Variants in NLRP5 observed in about 807,000 individuals in gnomAD.
NLRP5 encodes NLR family pyrin domain containing 5.
In NLRP5, 93 loss-of-function variants were observed where a neutral mutation model predicts 113.1. That is an observed-to-expected ratio of 0.82 (90% CI 0.70 to 0.98). The LOEUF (loss-of-function observed/expected upper bound fraction) is 0.98. Among genes scored for constraint, NLRP5 ranks in the 50% least tolerant of loss-of-function variants. NLRP5 has a pLI of 0.00. For synonymous variants in NLRP5, 751 were observed against 600.7 expected, an observed-to-expected ratio of 1.25 and a Z score of -3.66; for missense variants, 1,808 against 1,514.3, an observed-to-expected ratio of 1.19 and a Z score of -3.22.
chr19:56,047,033 T>G (rs569611028), intron 11 of NLRP5, among the ~76,000 whole-genome samples: 23 of 144,522 alleles, frequency 1.6e-4, no homozygotes, highest in African/African-American at 5.7e-4. Context: ...TTTATGTGCA[T>G]AAAGGTGTTC....
chr19:55,993,956 C>T, the NLRP5 span, among the ~76,000 whole-genome samples: 1 of 151,926 alleles, frequency 6.6e-6, no homozygotes, highest in Non-Finnish European at 1.5e-5. Context: ...CATGAGAGTG[C>T]AGACATACCT....
In NLRP5 at chr19:56,004,098, A is replaced by T; in HGVS notation, c.442+3A>T. The T allele has an allele frequency of 1.9e-6, 3 of 1,597,596 alleles. No individual in the cohort carries two copies. The highest frequency in any genetic ancestry group is 2.6e-6 in the Non-Finnish European group (3 of 1,170,750). On this transcript the variant is annotated splice_donor_region_variant and intron_variant, in intron 2 of 14. Coordinates refer to ENST00000390649, the MANE Select transcript of NLRP5 (RefSeq NM_153447.4). ...GAAGGCACGGGATGACATGAAAAGT[A>T]AGCGAGACTTGGGACAAGTCTAGGG...
At chr19:56,006,770 G>C (rs960359810) in intron 2 of NLRP5, among the ~76,000 whole-genome samples, 10 of 151,302 alleles carry the variant, frequency 6.6e-5, no homozygotes, top group Admixed American at 3.9e-4. Context: ...GACGGAGTCT[G>C]GCTCTGTCGC....
At chr19:56,006,975 G>GCAAA (rs1301635912) in intron 2 of NLRP5, among the ~76,000 whole-genome samples, 3 of 151,084 alleles carry the variant, frequency 2.0e-5, no homozygotes, top group Non-Finnish European at 2.9e-5. Context: ...TCCCGACCTT[G>GCAAA]TGATCCACCC....
At chr19:56,035,661 C>T (rs1288153149) in intron 9 of NLRP5, among the ~76,000 whole-genome samples, 3 of 152,092 alleles carry the variant, frequency 2.0e-5, no homozygotes, top group African/African-American at 4.8e-5. Context: ...ATGAATTTAC[C>T]TTCTCATAAC....
rs1373367892 is a variant in NLRP5, at chr19:56,058,270, C to T, written c.3330C>T (p.Cys1110=). 1 of 1,613,864 alleles carries T rather than the reference C, an allele frequency of 6.2e-7. No homozygotes were observed. Residue 1110 remains cysteine (C), a synonymous_variant, in exon 14 of 15, where the codon TGC becomes TGT. Transcript: ENST00000390649. ...AGGCATGTGGACTGACTTCTGATTG[C>T]TGTGAGGCACTCTCCTTGGCCCTTT...
At position 56,016,582 on chromosome 19, in the gene NLRP5, C is replaced by A. The variant is rs755876008; in HGVS notation, c.565+784C>A. Among the ~76,000 whole-genome samples, 342 of 152,180 alleles carry A rather than the reference C, an allele frequency of 2.2e-3. 2 individuals carry two copies. Among genetic ancestry groups the A allele is most frequent in the Non-Finnish European group, 3.0e-3 (203 of 68,044 alleles). Reference sequence around the variant, plus strand: ...CTAGCTGTAAGTTTGTACCTGTTGACTAATGTTTTCCAACTTTCCCGGTCC... The same window carrying A: ...CTAGCTGTAAGTTTGTACCTGTTGAATAATGTTTTCCAACTTTCCCGGTCC... On this transcript the variant is annotated intron_variant, in intron 4 of 14. Transcript: ENST00000390649.
At chr19:56,019,664 CTTTG>C (rs771894158) in intron 5 of NLRP5, among the ~76,000 whole-genome samples, 37 of 152,090 alleles carry the variant, frequency 2.4e-4, no homozygotes, top group African/African-American at 5.8e-4. Flanking sequence ...TCAATCACAA[CTTTG>C]TTTGATGGAT....
chr19:55,997,269 G>A (rs1370629470), upstream of NLRP5, among the ~76,000 whole-genome samples: 1 of 152,026 alleles, frequency 6.6e-6, no homozygotes, highest in African/African-American at 2.4e-5. Context: ...CCTTCAGTCT[G>A]CTGATGAACC....
intron 14 of NLRP5, among the ~76,000 whole-genome samples, chr19:56,061,154 A>G (rs1984338092): frequency 6.6e-6 from 1 of 152,124 alleles, no homozygotes; most frequent in Admixed American, 6.5e-5. Flanking sequence ...TTTCTAACCG[A>G]TTTCAGCCAG....
Position 56,027,215 on chromosome 19 carries a change from AAGG to A in NLRP5, c.985_987del (p.Glu329del), listed in dbSNP as rs1568490986. 6.2e-7 allele frequency: 1 copy of A among 1,612,282 alleles called. No individual in the cohort carries two copies. The highest frequency in any genetic ancestry group is 8.5e-7 in the Non-Finnish European group (1 of 1,179,338). On this transcript the variant is annotated inframe_deletion, in exon 7 of 15. Coordinates refer to ENST00000390649, the MANE Select transcript of NLRP5 (RefSeq NM_153447.4). ...CCCCGTTAGAGAGATGCAGCGGAAGAAGGAGAGCAGTGTCACAGAGTTCATCTC... is the reference window on the plus strand; with the variant it reads ...CCCCGTTAGAGAGATGCAGCGGAAGAAGAGCAGTGTCACAGAGTTCATCTC...
chr19:56,048,500 A>G lies in NLRP5; in HGVS notation c.2958-1918A>G, dbSNP rs911489337. On this transcript the variant is annotated intron_variant, in intron 11 of 14. Coordinates refer to ENST00000390649, the MANE Select transcript of NLRP5 (RefSeq NM_153447.4). ...TAAAATGCTTAGTTTTGCTGGATAC[A>G]AAATTCTTGGCTGATACTTGTTTTG... Among the ~76,000 whole-genome samples the G allele has an allele frequency of 7.4e-5, 11 of 148,786 alleles. No homozygotes were observed. The Admixed American group carries it at 7.5e-4, about 10-fold the overall frequency.
intron 11 of NLRP5, among the ~76,000 whole-genome samples, chr19:56,043,239 C>G (rs757487187): frequency 5.3e-5 from 8 of 152,206 alleles, no homozygotes; most frequent in Non-Finnish European, 1.2e-4. Context: ...TGGATGCGTT[C>G]CCTGATCACC....
At position 56,027,188 on chromosome 19, in the gene NLRP5, C is replaced by T. The variant is rs778616374; in HGVS notation, c.955C>T (p.Leu319Phe). ...GGGAATGTTCTCCTACGTCTTCTTC[C>T]TCCCCGTTAGAGAGATGCAGCGGAA... is the stretch of plus-strand genomic sequence containing the variant. The change falls in exon 7 of 15, where the codon CTC becomes TTC. Residue 319 changes from leucine (L) to phenylalanine (F), a missense_variant. Coordinates refer to ENST00000390649, the MANE Select transcript of NLRP5 (RefSeq NM_153447.4). 228 of 1,609,328 alleles carry T rather than the reference C, an allele frequency of 1.4e-4. No homozygotes were observed. Among genetic ancestry groups the T allele is most frequent in the Middle Eastern group, 3.3e-4 (2 of 6,080 alleles).
chr19:56,047,520 C>T (rs1013919312), intron 11 of NLRP5, among the ~76,000 whole-genome samples: 2 of 152,066 alleles, frequency 1.3e-5, no homozygotes, highest in East Asian at 3.9e-4. Flanking sequence ...TTAATTTCCA[C>T]GTGTTTGCAT....
chr19:56,007,312 TGAGA>T (rs1268685480), intron 2 of NLRP5, among the ~76,000 whole-genome samples: 3 of 149,742 alleles, frequency 2.0e-5, no homozygotes, highest in Non-Finnish European at 4.4e-5. Flanking sequence ...TGCAGTGAGC[TGAGA>T]TTGTGCCGTT....
At chr19:55,991,109 ATTTG>A in the NLRP5 span, among the ~76,000 whole-genome samples, 136 of 152,102 alleles carry the variant, frequency 8.9e-4, 5 homozygotes, top group Non-Finnish European at 3.2e-4. Flanking sequence ...GACTTTAAAG[ATTTG>A]TTTGTTTTTC....
intron 11 of NLRP5, among the ~76,000 whole-genome samples, chr19:56,046,753 C>G (rs1004514497): frequency 6.6e-6 from 1 of 152,082 alleles, no homozygotes; most frequent in East Asian, 1.9e-4. Flanking sequence ...ACCGTGGTCT[C>G]GATCTCCTGA....
chr19:56,027,534 G>A lies in NLRP5; in HGVS notation c.1301G>A (p.Gly434Glu), dbSNP rs1982912827. 6 of 1,614,006 alleles carry A rather than the reference G, an allele frequency of 3.7e-6. No homozygotes were observed. The highest frequency in any genetic ancestry group is 1.6e-4 in the Middle Eastern group (1 of 6,062). Residue 434 changes from glycine to glutamate, a missense_variant, in exon 7 of 15, where the codon GGG becomes GAG. Transcript: ENST00000390649. ...TACCTGTTAGTTAGAGGAATCTCCG[G>A]GGAACAAAGAATCCACTTGCTCCTT...
Sources: allele counts gnomAD v4.1 joint callset (sites outside exome capture counted in the v4.1 genomes callset), GRCh38; gene constraint gnomAD v4.1.1; transcripts MANE v1.5; gene names NCBI Gene and HGNC (gene_info 2026-07-23, HGNC 2026-07-21).